CAMSAP2: variants seen among roughly 807,000 people sequenced by gnomAD.
CAMSAP2 encodes calmodulin-regulated spectrin-associated protein 2.
A neutral mutation model predicts 146.1 loss-of-function variants in CAMSAP2; 26 were observed. The observed-to-expected ratio is 0.18, with a 90% CI of 0.13 to 0.25. CAMSAP2 has a LOEUF of 0.25. Among genes scored for constraint, CAMSAP2 ranks in the 10% least tolerant of loss-of-function variants. The pLI is 1.00. For missense variants in CAMSAP2, 1,381 were observed against 1,759.3 expected (o/e 0.78, Z 3.85); for synonymous variants, 499 against 596.6 (o/e 0.84, Z 2.38).
At chr1:200,742,195 C>G (rs933615537) in intron 1 of CAMSAP2, among the ~76,000 whole-genome samples, 4 of 152,196 alleles carry the variant, frequency 2.6e-5, no homozygotes, top group Admixed American at 1.3e-4. Flanking sequence ...GCTTATTACT[C>G]TATACCGTTC....
chr1:200,774,561 G>T (rs568140220), intron 2 of CAMSAP2, among the ~76,000 whole-genome samples: 2 of 152,298 alleles, frequency 1.3e-5, no homozygotes, highest in Admixed American at 1.3e-4. Context: ...ACTAGAGAGT[G>T]GTGAAAGCTG....
chr1:200,813,543 G>T (rs1022997800), intron 3 of CAMSAP2, among the ~76,000 whole-genome samples: 3 of 152,102 alleles, frequency 2.0e-5, no homozygotes, highest in Non-Finnish European at 4.4e-5. Flanking sequence ...GTAGTCCATT[G>T]TATACCTAGC....
intron 4 of CAMSAP2, among the ~76,000 whole-genome samples, chr1:200,818,632 A>C (rs564272556): frequency 4.6e-5 from 7 of 152,260 alleles, no homozygotes; most frequent in African/African-American, 1.7e-4. Flanking sequence ...ATTATGAAGA[A>C]ACACACAATC....
chr1:200,790,068 T>A (rs1665705505), intron 2 of CAMSAP2, among the ~76,000 whole-genome samples: 1 of 152,206 alleles, frequency 6.6e-6, no homozygotes, highest in Non-Finnish European at 1.5e-5. Context: ...AGTCCTATAA[T>A]TAGGTCTCAG....
At chr1:200,838,090 G>A (rs566953914) in intron 6 of CAMSAP2, among the ~76,000 whole-genome samples, 14 of 152,066 alleles carry the variant, frequency 9.2e-5, no homozygotes, top group South Asian at 4.1e-4. Context: ...CTGTTTAATC[G>A]TCATGAACTC....
intron 4 of CAMSAP2, among the ~76,000 whole-genome samples, chr1:200,825,054 C>T (rs1666869925): frequency 6.6e-6 from 1 of 151,956 alleles, no homozygotes. Context: ...TTTTTTTAGA[C>T]TAATAGTATA....
chr1:200,821,453 A>G (rs1267303338), intron 4 of CAMSAP2, among the ~76,000 whole-genome samples: 1 of 152,216 alleles, frequency 6.6e-6, no homozygotes, highest in African/African-American at 2.4e-5. Flanking sequence ...AAGTGCTGGG[A>G]TTACAGGCCT....
chr1:200,788,448 A>C (rs1408097189), intron 2 of CAMSAP2, among the ~76,000 whole-genome samples: 2 of 152,130 alleles, frequency 1.3e-5, no homozygotes, highest in Non-Finnish European at 2.9e-5. Flanking sequence ...GTTTTGTAAG[A>C]AATCACCAAA....
chr1:200,756,317 G>A (rs1055340447), intron 1 of CAMSAP2, among the ~76,000 whole-genome samples: 5 of 152,028 alleles, frequency 3.3e-5, no homozygotes, highest in African/African-American at 1.2e-4. Flanking sequence ...GCTGGGTGTG[G>A]TGGCACATAC....
chr1:200,760,831 C>T lies in CAMSAP2; in HGVS notation c.140-8C>T, dbSNP rs1359802348. 2 of 1,547,350 alleles carry T rather than the reference C, an allele frequency of 1.3e-6. No individual in the cohort carries two copies. Among genetic ancestry groups the T allele is most frequent in the Admixed American group, 3.6e-5 (2 of 55,922 alleles). On this transcript the variant is annotated splice_polypyrimidine_tract_variant and splice_region_variant and intron_variant, in intron 1 of 16. Coordinates refer to ENST00000358823, the MANE Select transcript of CAMSAP2 (RefSeq NM_203459.4). ...TTGTAAGAGAATTTTTTCCATTAAT[C>T]TTTATAGAAAATGTGCCAGAGGAAC...
intron 4 of CAMSAP2, among the ~76,000 whole-genome samples, chr1:200,817,218 A>ACG (rs1666612874): frequency 1.3e-5 from 1 of 77,824 alleles, no homozygotes; most frequent in Non-Finnish European, 2.2e-5. Flanking sequence ...ACATACACAC[A>ACG]TATGTGTGTG....
At chr1:200,744,803 G>T (rs561330151) in intron 1 of CAMSAP2, among the ~76,000 whole-genome samples, 2 of 152,240 alleles carry the variant, frequency 1.3e-5, no homozygotes, top group South Asian at 4.1e-4. Context: ...TAGACATGGA[G>T]TTGTGAAACC....
chr1:200,852,725 A>T, intron 12 of CAMSAP2, 48 bp downstream of exon 12: 1 of 1,562,596 alleles, frequency 6.4e-7, no homozygotes, highest in Non-Finnish European at 8.6e-7. Flanking sequence ...TTAATGATGC[A>T]TGGGCATATT....
chr1:200,787,056 G>A (rs561070157), intron 2 of CAMSAP2, among the ~76,000 whole-genome samples: 5 of 151,782 alleles, frequency 3.3e-5, no homozygotes, highest in South Asian at 2.1e-4. Flanking sequence ...ATCACTGCTC[G>A]TTGACAATGC....
chr1:200,826,533 A>ATT lies in CAMSAP2; in HGVS notation c.646-5667_646-5666insTT, dbSNP rs541112531. Among the ~76,000 whole-genome samples the ATT allele has an allele frequency of 4.5e-3, 689 of 152,272 alleles. 8 individuals carry two copies. Among genetic ancestry groups the ATT allele is most frequent in the African/African-American group, 0.016 (662 of 41,550 alleles). On this transcript the variant is annotated intron_variant, in intron 4 of 16. Transcript: ENST00000358823. ...AGGACCCCAACTCTTTGAGGTCTCC[A>ATT]ATAAAGACCACACCAAACCAATATC...
intron 2 of CAMSAP2, among the ~76,000 whole-genome samples, chr1:200,801,080 A>C (rs1294653376): frequency 1.3e-5 from 2 of 152,168 alleles, no homozygotes; most frequent in African/African-American, 4.8e-5. Flanking sequence ...CCTGGCCAAC[A>C]TTGTGAAACC....
intron 2 of CAMSAP2, among the ~76,000 whole-genome samples, chr1:200,786,580 T>C (rs542800600): frequency 6.9e-6 from 1 of 145,182 alleles, no homozygotes; most frequent in African/African-American, 2.6e-5. Context: ...GACGAGGTTT[T>C]GCCATGTTGG....
chr1:200,756,134 A>G lies in CAMSAP2; in HGVS notation c.140-4705A>G, dbSNP rs556073559. The stretch of plus-strand genomic sequence containing the variant: ...GGAGAAACTAAAACTCAGAGAAGTT[A>G]ATTACTGAACTCAAGATCCCATCAA... On this transcript the variant is annotated intron_variant, in intron 1 of 16. Transcript: ENST00000358823. Among the ~76,000 whole-genome samples the G allele has an allele frequency of 3.9e-5, 6 of 152,276 alleles. No homozygotes were observed. The South Asian group carries it at 1.0e-3, about 26-fold the overall frequency.
intron 2 of CAMSAP2, among the ~76,000 whole-genome samples, chr1:200,785,559 T>G (rs1180163762): frequency 6.6e-6 from 1 of 151,648 alleles, no homozygotes; most frequent in African/African-American, 2.4e-5. Flanking sequence ...CTGGGTAATT[T>G]TTGTATTTTT....
Sources: allele counts gnomAD v4.1 joint callset (sites outside exome capture counted in the v4.1 genomes callset), GRCh38; gene constraint gnomAD v4.1.1; transcripts MANE v1.5; gene names NCBI Gene and HGNC (gene_info 2026-07-23, HGNC 2026-07-21).